Variants in PLCB1 observed in about 807,000 individuals in gnomAD.
PLCB1 encodes the protein phospholipase C beta 1.
In PLCB1, 46 loss-of-function variants were observed where a neutral mutation model predicts 161.8. That is an observed-to-expected ratio of 0.28 (90% CI 0.22 to 0.36). PLCB1 has a LOEUF of 0.36. PLCB1 is among the 10% of genes least tolerant of loss of function. The pLI, the probability that PLCB1 is intolerant of heterozygous loss-of-function variation, is 1.00. For synonymous variants in PLCB1, 517 were observed against 503.7 expected, an observed-to-expected ratio of 1.03 and a Z score of -0.35; for missense variants, 1,016 against 1,472.5, an observed-to-expected ratio of 0.69 and a Z score of 5.07.
chr20:8,325,072 C>T (rs961071789), intron 2 of PLCB1, among the ~76,000 whole-genome samples: 3 of 152,156 alleles, frequency 2.0e-5, no homozygotes, highest in Non-Finnish European at 1.5e-5. Flanking sequence ...AATAATCATG[C>T]CCCTACTATT....
intron 3 of PLCB1, among the ~76,000 whole-genome samples, chr20:8,475,594 C>G (rs773528128): frequency 2.6e-5 from 4 of 152,150 alleles, no homozygotes; most frequent in Non-Finnish European, 5.9e-5. Context: ...TTTTTCTACA[C>G]CTTGTCTTTT....
chr20:8,779,592 G>A (rs768068027), intron 27 of PLCB1, among the ~76,000 whole-genome samples: 6 of 146,122 alleles, frequency 4.1e-5, no homozygotes, highest in East Asian at 4.1e-4. Context: ...GCTACTCAAA[G>A]TGTGAAGTGT....
rs766962569 is a variant in PLCB1 at position 8,729,086 on chromosome 20, A to G, written c.1800A>G (p.Lys600=). The change falls in exon 18 of 32, where the codon AAA becomes AAG. Residue 600 remains lysine, a synonymous_variant. Coordinates refer to ENST00000338037, the MANE Select transcript of PLCB1 (RefSeq NM_015192.4). Reference sequence around the variant, plus strand: ...TGCAGCTTAGCAGGATATATCCAAAAGGAACACGTGTGGATTCATCCAACT... The same window carrying G: ...TGCAGCTTAGCAGGATATATCCAAAGGGAACACGTGTGGATTCATCCAACT... ...NKMQLSRIYP[K]GTRVDSSNYM... 3.1e-6 allele frequency: 5 copies of G among 1,611,050 alleles called. No homozygotes were observed. The South Asian group carries it at 3.3e-5, about 11-fold the overall frequency.
At chr20:8,792,448 A>G (rs757394311) in intron 31 of PLCB1, 71 of 405,830 alleles carry the variant, frequency 1.7e-4, no homozygotes, top group Non-Finnish European at 2.9e-4. Context: ...AACTGGGTAG[A>G]CAGGTTACAT....
chr20:8,229,267 TA>T (rs964353744), intron 2 of PLCB1, among the ~76,000 whole-genome samples: 3 of 152,028 alleles, frequency 2.0e-5, no homozygotes, highest in African/African-American at 7.2e-5. Context: ...TGCAAAATAT[TA>T]AAAAATATTT....
intron 2 of PLCB1, among the ~76,000 whole-genome samples, chr20:8,209,593 T>C (rs1303918275): frequency 6.6e-6 from 1 of 152,136 alleles, no homozygotes; most frequent in Non-Finnish European, 1.5e-5. Flanking sequence ...AAATATTAGA[T>C]GATTTTCAAT....
In PLCB1 at chr20:8,883,547, C is replaced by A. The variant is rs1988069864; in HGVS notation, c.*1698C>A. 6.6e-6 allele frequency: 1 copy of A among 151,880 alleles called. No individual in the cohort carries two copies. The highest frequency in any genetic ancestry group is 2.4e-5 in the African/African-American group (1 of 41,406). 9.4% of individuals were successfully genotyped at this position (151,880 alleles called of 1,614,324 possible). A position where few individuals can be genotyped will look rare whatever the true frequency, so the allele number is the denominator to read the frequency against. On this transcript the variant is annotated 3_prime_UTR_variant, in exon 32 of 32. Coordinates refer to ENST00000338037, the MANE Select transcript of PLCB1 (RefSeq NM_015192.4). ...TAGCTTTGTGAAATATCTTAAAACG[C>A]AAAAACCAATTGTGTCCTGAAAATT...
intron 3 of PLCB1, among the ~76,000 whole-genome samples, chr20:8,445,856 A>G (rs1047663774): frequency 3.9e-5 from 6 of 151,952 alleles, no homozygotes; most frequent in Admixed American, 1.3e-4. Flanking sequence ...TTTGTCTGTT[A>G]TTGGTGTATA....
intron 2 of PLCB1, among the ~76,000 whole-genome samples, chr20:8,327,764 G>C (rs1267499068): frequency 6.6e-6 from 1 of 151,950 alleles, no homozygotes; most frequent in Non-Finnish European, 1.5e-5. Flanking sequence ...AGGGTTTTCT[G>C]GCTGTCAATT....
At chr20:8,278,050 T>G (rs892342109) in intron 2 of PLCB1, among the ~76,000 whole-genome samples, 1 of 152,012 alleles carries the variant, frequency 6.6e-6, no homozygotes, top group African/African-American at 2.4e-5. Context: ...GCAGAATTAT[T>G]TGTAAATGGG....
intron 2 of PLCB1, among the ~76,000 whole-genome samples, chr20:8,311,914 A>G (rs939785814): frequency 1.1e-4 from 16 of 152,182 alleles, no homozygotes; most frequent in Admixed American, 7.2e-4. Context: ...CATAATGTCT[A>G]CACAGGAGGA....
intron 3 of PLCB1, among the ~76,000 whole-genome samples, chr20:8,508,607 A>G (rs1264616002): frequency 6.6e-6 from 1 of 152,206 alleles, no homozygotes; most frequent in Non-Finnish European, 1.5e-5. Flanking sequence ...GAGTGAATTC[A>G]AGTAATCCAT....
At chr20:8,231,607 C>CCTTGCATCCTTTGTTT (rs1980042675) in intron 2 of PLCB1, among the ~76,000 whole-genome samples, 1 of 152,172 alleles carries the variant, frequency 6.6e-6, no homozygotes, top group Non-Finnish European at 1.5e-5. Context: ...TTTCTTCTTT[C>CCTTGCATCCTTTGTTT]CTTGCATCCT....
intron 3 of PLCB1, among the ~76,000 whole-genome samples, chr20:8,430,093 G>A (rs187992005): frequency 4.8e-4 from 73 of 152,134 alleles, no homozygotes; most frequent in African/African-American, 1.7e-3. Flanking sequence ...GAATGCTGGA[G>A]TAAAGCCAGG....
intron 2 of PLCB1, among the ~76,000 whole-genome samples, chr20:8,335,977 G>A (rs1985561572): frequency 2.0e-5 from 3 of 152,194 alleles, no homozygotes; most frequent in Non-Finnish European, 4.4e-5. Flanking sequence ...ATCACAGCAG[G>A]GAGGGATTCA....
At chr20:8,641,702 A>G (rs1390014758) in intron 4 of PLCB1, among the ~76,000 whole-genome samples, 2 of 152,194 alleles carry the variant, frequency 1.3e-5, no homozygotes, top group Non-Finnish European at 2.9e-5. Flanking sequence ...AAATGGAGGA[A>G]TTAGCCAGAC....
At chr20:8,485,625 C>A (rs945404249) in intron 3 of PLCB1, among the ~76,000 whole-genome samples, 8 of 152,208 alleles carry the variant, frequency 5.3e-5, no homozygotes, top group African/African-American at 1.7e-4. Context: ...CACAGAATCT[C>A]AGACTAGAGG....
At chr20:8,604,732 A>C (rs562435040) in intron 3 of PLCB1, among the ~76,000 whole-genome samples, 2 of 152,306 alleles carry the variant, frequency 1.3e-5, no homozygotes, top group Non-Finnish European at 2.9e-5. Context: ...CTCCACCCTC[A>C]TGTTGGGCAA....
chr20:8,432,872 G>A (rs567148852), intron 3 of PLCB1, among the ~76,000 whole-genome samples: 1 of 152,294 alleles, frequency 6.6e-6, no homozygotes, highest in East Asian at 1.9e-4. Context: ...CCTGTACTGA[G>A]TTAAATTTAA....
Sources: gnomAD v4.1 joint callset for allele counts (sites outside exome capture counted in the v4.1 genomes callset) on GRCh38, gnomAD v4.1.1 for gene constraint, MANE v1.5 for transcripts, NCBI Gene and HGNC (gene_info 2026-07-23, HGNC 2026-07-21) for gene names.